Variants in CPNE5 observed in about 807,000 individuals in gnomAD.
CPNE5 encodes copine 5, also known as copine-5.
Under a neutral mutation model 81.1 loss-of-function variants are expected in CPNE5, and 42 were observed. The ratio of observed to expected loss-of-function variants is 0.52; its 90% CI spans 0.40 to 0.67. The LOEUF (loss-of-function observed/expected upper bound fraction) is 0.67. Among genes scored for constraint, CPNE5 ranks in the 30% least tolerant of loss-of-function variants. CPNE5 has a pLI of 0.00. For synonymous variants in CPNE5, 313 were observed against 321.5 expected (o/e 0.97, Z 0.28); for missense variants, 612 against 815.5 (o/e 0.75, Z 3.04).
At chr6:36,821,257 G>C (rs762091123) in intron 3 of CPNE5, among the ~76,000 whole-genome samples, 4 of 152,032 alleles carry the variant, frequency 2.6e-5, no homozygotes, top group Non-Finnish European at 4.4e-5. Flanking sequence ...GGAGTGGAGT[G>C]GGGAGGGGCC....
At chr6:36,794,092 G>A (rs1488467994) in intron 7 of CPNE5, among the ~76,000 whole-genome samples, 3 of 152,218 alleles carry the variant, frequency 2.0e-5, no homozygotes, top group Non-Finnish European at 2.9e-5. Context: ...ACGAGCAAAC[G>A]TGAAAAGTGG....
chr6:36,838,074 T>G (rs972133842), intron 1 of CPNE5, among the ~76,000 whole-genome samples: 1 of 152,164 alleles, frequency 6.6e-6, no homozygotes, highest in African/African-American at 2.4e-5. Context: ...TAGCCTTCAC[T>G]GCCACTTATC....
rs942770199 is a variant in CPNE5 at position 36,759,102 on chromosome 6, C to T, written c.856-2804G>A. On this transcript the variant is annotated intron_variant, in intron 12 of 20. Coordinates refer to ENST00000244751, the MANE Select transcript of CPNE5 (RefSeq NM_020939.2). ...AACTTTTGCTCCAACATAGCCCTCCCAGCTGGGGAGAATGAACCCGGAGTC... is the reference window on the plus strand; with the variant it reads ...AACTTTTGCTCCAACATAGCCCTCCTAGCTGGGGAGAATGAACCCGGAGTC... Among the ~76,000 whole-genome samples the T allele has an allele frequency of 3.9e-5, 6 of 152,226 alleles. No homozygotes were observed. The East Asian group carries it at 5.8e-4, about 15-fold the overall frequency.
chr6:36,770,397 A>G (rs1766946081), intron 10 of CPNE5, among the ~76,000 whole-genome samples: 1 of 152,214 alleles, frequency 6.6e-6, no homozygotes, highest in Non-Finnish European at 1.5e-5. Context: ...ACAAAATAAG[A>G]TAACGCATTT....
chr6:36,791,302 A>G (rs1211348088), intron 8 of CPNE5, among the ~76,000 whole-genome samples: 1 of 152,174 alleles, frequency 6.6e-6, no homozygotes, highest in Non-Finnish European at 1.5e-5. Flanking sequence ...CTGAGCCTCA[A>G]TTTCCTCATC....
chr6:36,776,470 A>G (rs546726938), intron 9 of CPNE5, among the ~76,000 whole-genome samples: 1 of 152,274 alleles, frequency 6.6e-6, no homozygotes, highest in African/African-American at 2.4e-5. Context: ...AGGAGGGGCC[A>G]CAGCTGCCCC....
chr6:36,797,575 C>G (rs1769707174), intron 6 of CPNE5, among the ~76,000 whole-genome samples: 1 of 152,192 alleles, frequency 6.6e-6, no homozygotes, highest in Non-Finnish European at 1.5e-5. Flanking sequence ...ACACGGCCAG[C>G]CCTGGCTGGT....
intron 1 of CPNE5, among the ~76,000 whole-genome samples, chr6:36,832,528 T>C (rs752295045): frequency 6.6e-6 from 1 of 152,168 alleles, no homozygotes; most frequent in Non-Finnish European, 1.5e-5. Context: ...TTGGATGCAG[T>C]TGTGATGCCT....
At chr6:36,808,588 G>A (rs138852739) in intron 3 of CPNE5, among the ~76,000 whole-genome samples, 2 of 152,072 alleles carry the variant, frequency 1.3e-5, no homozygotes, top group Non-Finnish European at 2.9e-5. Context: ...TGTTGCTTAC[G>A]ATCTGCCTGA....
chr6:36,817,092 G>C (rs150330166), intron 3 of CPNE5, among the ~76,000 whole-genome samples: 1 of 152,206 alleles, frequency 6.6e-6, no homozygotes, highest in East Asian at 1.9e-4. Context: ...TTGGGAGGCT[G>C]AGGCGGATGG....
At chr6:36,827,190 T>C in intron 1 of CPNE5, 1 of 310,040 alleles carries the variant, frequency 3.2e-6, no homozygotes, top group Non-Finnish European at 4.7e-6. Context: ...CTCTCAGCCT[T>C]GAGGACCTTC....
chr6:36,742,651 T>G (rs1450093808), intron 20 of CPNE5, 165 bp from the exon 21 acceptor site: 1 of 979,840 alleles, frequency 1.0e-6, no homozygotes, highest in African/African-American at 1.8e-5. Flanking sequence ...CTCAACTCCC[T>G]GGGTTTGGGC....
chr6:36,839,431 C>T lies in CPNE5; in HGVS notation c.-54G>A. ...GTCAATCCCTGCGCGATTCACGCCT[C>T]CTCCGGAGCGACTGGAGCCCTGGGC... On this transcript the variant is annotated 5_prime_UTR_variant, in exon 1 of 21. Coordinates refer to ENST00000244751, the MANE Select transcript of CPNE5 (RefSeq NM_020939.2). This position sits in a 1 kb window ranked among gnomAD's most constrained non-coding sequence, Gnocchi z 7.3. 2.1e-6 allele frequency: 3 copies of T among 1,435,564 alleles called. No individual in the cohort carries two copies. Among genetic ancestry groups the T allele is most frequent in the Non-Finnish European group, 2.8e-6 (3 of 1,058,170 alleles). The allele number at this position is 1,435,564 out of a possible 1,614,324, so 88.9% of individuals were successfully genotyped here.
At chr6:36,750,541 C>T (rs1393814336) in intron 14 of CPNE5, among the ~76,000 whole-genome samples, 1 of 152,212 alleles carries the variant, frequency 6.6e-6, no homozygotes, top group African/African-American at 2.4e-5. Flanking sequence ...CGTGGATCAT[C>T]TCCCCACCCA....
rs1488732757 is a variant in CPNE5, at chr6:36,753,087, C to T, written c.918G>A (p.Leu306=). Residue 306 remains leucine, a synonymous_variant, in exon 14 of 21, where the codon CTG becomes CTA. Transcript: ENST00000244751. ...KKYVNSGTVT[L]LSFAVESECT... ...ACTCTGACTCCACAGCAAAGGAAAG[C>T]AGGGTGACCTTCAAAACAAAAGGGA... 11 of 1,613,142 alleles carry T rather than the reference C, an allele frequency of 6.8e-6. No individual in the cohort carries two copies. Among genetic ancestry groups the T allele is most frequent in the East Asian group, 2.2e-5 (1 of 44,868 alleles).
intron 1 of CPNE5, among the ~76,000 whole-genome samples, chr6:36,824,344 G>A (rs904700358): frequency 6.6e-6 from 1 of 152,126 alleles, no homozygotes; most frequent in Admixed American, 6.5e-5. Flanking sequence ...CCCAGGGGCC[G>A]CCAGGAGACC....
At position 36,798,054 on chromosome 6, in the gene CPNE5, C is replaced by T. The variant is rs1769753336; in HGVS notation, c.404+111G>A. The T allele has an allele frequency of 9.1e-6, 7 of 769,174 alleles. No individual in the cohort carries two copies. In the South Asian group the frequency reaches 1.1e-4, roughly 12 times the overall value. 47.6% of individuals were successfully genotyped at this position (769,174 alleles called of 1,614,324 possible). On this transcript the variant is annotated intron_variant, in intron 6 of 20. Coordinates refer to ENST00000244751, the MANE Select transcript of CPNE5 (RefSeq NM_020939.2). ...TGGGGTCTCTTTATTCCTAATAACC[C>T]TGCAGATGCCAGTCATAGCCAGCTG...
At chr6:36,760,664 C>G (rs1765935118) in intron 12 of CPNE5, among the ~76,000 whole-genome samples, 1 of 152,258 alleles carries the variant, frequency 6.6e-6, no homozygotes, top group East Asian at 1.9e-4. Flanking sequence ...GTGCCCTGAG[C>G]CCCCATGATG....
At chr6:36,757,159 G>C (rs548860051) in intron 12 of CPNE5, 1 of 217,444 alleles carries the variant, frequency 4.6e-6, no homozygotes, top group African/African-American at 2.4e-5. Context: ...CGAGACTTCC[G>C]CACTTACTGT....
Sources: gnomAD v4.1 joint callset for allele counts (sites outside exome capture counted in the v4.1 genomes callset) on GRCh38, gnomAD v4.1.1 for gene constraint, Gnocchi (gnomAD v3.1) non-coding constraint, MANE v1.5 for transcripts, NCBI Gene and HGNC (gene_info 2026-07-23, HGNC 2026-07-21) for gene names.